The following CCDC171 variants were observed in gnomAD, a reference collection of about 807,000 sequenced individuals.
CCDC171 encodes coiled-coil domain containing 171.
A neutral mutation model predicts 168.2 loss-of-function variants in CCDC171; 177 were observed. The ratio of observed to expected loss-of-function variants is 1.05; its 90% CI spans 0.93 to 1.19. The LOEUF is 1.19. Ranked by LOEUF, CCDC171 falls within the 50% of genes most tolerant of loss-of-function variation. The pLI, the probability that CCDC171 is intolerant of heterozygous loss-of-function variation, is 0.00. For missense variants in CCDC171, 1,991 were observed against 1,539.0 expected (o/e 1.29, Z -4.91); for synonymous variants, 687 against 540.8 (o/e 1.27, Z -3.75).
chr9:15,594,152 G>A lies in CCDC171; in HGVS notation c.655G>A (p.Glu219Lys), dbSNP rs773452671. The A allele has an allele frequency of 1.4e-6, 2 of 1,444,342 alleles. No homozygotes were observed. The highest frequency in any genetic ancestry group is 1.8e-5 in the Admixed American group (1 of 56,624). The allele number at this position is 1,444,342 out of a possible 1,614,324, so 89.5% of individuals were successfully genotyped here. The part of the protein sequence containing the change: ...QEEQWEAERR[E>K]LQFIVQEQDT... ...AGAACAATGGGAAGCAGAAAGAAGA[G>A]AATTACAATTTATAGTACAGGTATT... Residue 219 changes from glutamate (E) to lysine (K), a missense_variant, in exon 6 of 26, where the codon GAA becomes AAA. Transcript: ENST00000380701.
intron 21 of CCDC171, among the ~76,000 whole-genome samples, chr9:15,802,694 C>T (rs772174515): frequency 1.3e-5 from 2 of 151,954 alleles, no homozygotes; most frequent in Non-Finnish European, 1.5e-5. Context: ...TCTTTGCTAT[C>T]GTAAATAGTG....
At chr9:16,009,580 T>C (rs944558631) in intron 3 of CCDC171, among the ~76,000 whole-genome samples, 18 of 152,204 alleles carry the variant, frequency 1.2e-4, no homozygotes, top group African/African-American at 4.3e-4. Context: ...TTCTGGTAAG[T>C]GAATGAGAAT....
chr9:15,832,501 A>T (rs2060275901), intron 21 of CCDC171, among the ~76,000 whole-genome samples: 1 of 152,248 alleles, frequency 6.6e-6, no homozygotes, highest in South Asian at 2.1e-4. Context: ...ACAGAATGTT[A>T]CTATACTGAA....
chr9:15,639,465 T>C (rs1047506056), intron 7 of CCDC171, among the ~76,000 whole-genome samples: 1 of 152,120 alleles, frequency 6.6e-6, no homozygotes, highest in African/African-American at 2.4e-5. Flanking sequence ...CAAATTCTGT[T>C]CCTGATATTT....
intron 2 of CCDC171, among the ~76,000 whole-genome samples, chr9:15,570,595 GGC>G (rs1395172442): frequency 6.6e-6 from 1 of 152,098 alleles, no homozygotes; most frequent in African/African-American, 2.4e-5. Context: ...TTGTGTTTGT[GGC>G]ATGCTCTGTA....
chr9:16,062,911 C>T (rs1382668644), downstream of CCDC171, among the ~76,000 whole-genome samples: 3 of 152,160 alleles, frequency 2.0e-5, no homozygotes, highest in Non-Finnish European at 2.9e-5. Context: ...TCACTAGAGA[C>T]ATGTGCTCGG....
At chr9:15,647,329 A>G (rs1314060721) in intron 7 of CCDC171, among the ~76,000 whole-genome samples, 1 of 152,230 alleles carries the variant, frequency 6.6e-6, no homozygotes, top group Non-Finnish European at 1.5e-5. Flanking sequence ...CCCTAACATC[A>G]CAATTAAAAG....
At chr9:15,722,122 GA>G (rs1241820536) in intron 12 of CCDC171, among the ~76,000 whole-genome samples, 1 of 152,044 alleles carries the variant, frequency 6.6e-6, no homozygotes, top group Non-Finnish European at 1.5e-5. Flanking sequence ...ATCACTTCTT[GA>G]TCTTCATAAT....
At position 15,821,478 on chromosome 9, in the gene CCDC171, C is replaced by T. The variant is rs1276911554; in HGVS notation, c.3268-25224C>T. On this transcript the variant is annotated intron_variant, in intron 21 of 25. Coordinates refer to ENST00000380701, the MANE Select transcript of CCDC171 (RefSeq NM_173550.4). ...AAAATCTCCTTGAGCTGATAAGCAACTTCAGCAAAGTCTCAGGATACAAAA... is the reference window on the plus strand; with the variant it reads ...AAAATCTCCTTGAGCTGATAAGCAATTTCAGCAAAGTCTCAGGATACAAAA... Among the ~76,000 whole-genome samples the T allele has an allele frequency of 1.7e-5, 2 of 117,878 alleles. 1 individual carries two copies. The highest frequency in any genetic ancestry group is 1.6e-4 in the Admixed American group (2 of 12,430). 77.3% of individuals were successfully genotyped at this position (117,878 alleles called of 152,430 possible).
intron 24 of CCDC171, among the ~76,000 whole-genome samples, chr9:15,916,655 A>T (rs36062735): frequency 6.6e-6 from 1 of 152,064 alleles, no homozygotes; most frequent in Non-Finnish European, 1.5e-5. Context: ...ATAACAAATT[A>T]TATAAATGGT....
intron 6 of CCDC171, among the ~76,000 whole-genome samples, chr9:15,618,480 T>C (rs1475995145): frequency 6.6e-6 from 1 of 152,188 alleles, no homozygotes; most frequent in Non-Finnish European, 1.5e-5. Context: ...CCTGCTGAGC[T>C]AGACTTCTTG....
intron 11 of CCDC171, among the ~76,000 whole-genome samples, chr9:15,706,411 C>G (rs981421899): frequency 3.9e-5 from 6 of 151,988 alleles, no homozygotes; most frequent in African/African-American, 1.4e-4. Flanking sequence ...CACCTCAGCT[C>G]CCAAGTAGCT....
At chr9:15,768,418 T>C (rs2135231095) in intron 18 of CCDC171, among the ~76,000 whole-genome samples, 1 of 152,240 alleles carries the variant, frequency 6.6e-6, no homozygotes, top group African/African-American at 2.4e-5. Flanking sequence ...ATTGCTGTGG[T>C]CTTAGCTCAT....
intron 2 of CCDC171, among the ~76,000 whole-genome samples, chr9:15,567,355 G>C (rs1374571495): frequency 6.6e-6 from 1 of 152,110 alleles, no homozygotes; most frequent in African/African-American, 2.4e-5. Context: ...TAGCTTTATA[G>C]TAAGTTTTGA....
At chr9:15,607,868 T>A (rs922280039) in intron 6 of CCDC171, among the ~76,000 whole-genome samples, 2 of 152,228 alleles carry the variant, frequency 1.3e-5, no homozygotes, top group African/African-American at 4.8e-5. Context: ...ATTTACTCAT[T>A]ACCTGACTGC....
chr9:15,785,327 T>C (rs2057886153), intron 21 of CCDC171, among the ~76,000 whole-genome samples: 1 of 152,096 alleles, frequency 6.6e-6, no homozygotes, highest in Non-Finnish European at 1.5e-5. Flanking sequence ...ATTATATACG[T>C]TGGAATGGAA....
intron 24 of CCDC171, among the ~76,000 whole-genome samples, chr9:15,912,174 T>A (rs534634623): frequency 3.1e-4 from 47 of 152,360 alleles, no homozygotes; most frequent in African/African-American, 1.1e-3. Flanking sequence ...ATTCTTCCTA[T>A]TCATGAGCAT....
chr9:15,889,834 G>C (rs1819952368), intron 24 of CCDC171, among the ~76,000 whole-genome samples: 1 of 152,174 alleles, frequency 6.6e-6, no homozygotes, highest in African/African-American at 2.4e-5. Flanking sequence ...CTGGTATTCA[G>C]ACAATTACTC....
At chr9:15,623,474 C>T (rs1320788394) in intron 7 of CCDC171, 61 bp downstream of exon 7, 16 of 710,432 alleles carry the variant, frequency 2.3e-5, no homozygotes, top group Non-Finnish European at 3.1e-5. Flanking sequence ...TGCGCGCGCG[C>T]GCACACACAC....
Sources: gnomAD v4.1 joint callset for allele counts (sites outside exome capture counted in the v4.1 genomes callset) on GRCh38, gnomAD v4.1.1 for gene constraint, MANE v1.5 for transcripts, NCBI Gene and HGNC (gene_info 2026-07-23, HGNC 2026-07-21) for gene names.